The following P4HB variants were observed in gnomAD, a reference collection of about 807,000 sequenced individuals.
The protein encoded by P4HB is prolyl 4-hydroxylase subunit beta, also known as protein disulfide-isomerase.
Under a neutral mutation model 52.6 loss-of-function variants are expected in P4HB, and 20 were observed. That is an observed-to-expected ratio of 0.38 (90% CI 0.27 to 0.55). The LOEUF (loss-of-function observed/expected upper bound fraction) is 0.55. Ranked by LOEUF, P4HB falls within the 20% of genes least tolerant of loss-of-function variation. P4HB has a pLI of 0.74. For synonymous variants in P4HB, 296 were observed against 277.9 expected (o/e 1.07, Z -0.65); for missense variants, 601 against 669.2 (o/e 0.90, Z 1.12).
chr17:81,855,909 AC>A lies in P4HB; in HGVS notation c.353-324del. On this transcript the variant is annotated intron_variant, in intron 2 of 10. Transcript: ENST00000331483. This position sits in a 1 kb window ranked among gnomAD's most constrained non-coding sequence, Gnocchi z 4.3. ...TTTTGACACAGGGGCTCACTCTGTT[AC>A]CCAGCTGGAGGGTAGTGGCAGAATC... is the stretch of plus-strand genomic sequence containing the variant. The A allele has an allele frequency of 4.0e-6, 1 of 249,132 alleles. No homozygotes were observed. Among genetic ancestry groups the A allele is most frequent in the South Asian group, 7.7e-5 (1 of 12,908 alleles). The allele number at this position is 249,132 out of a possible 1,614,324, so 15.4% of individuals were successfully genotyped here.
Position 81,859,272 on chromosome 17 carries a change from C to T in P4HB, c.261G>A (p.Glu87=). The T allele has an allele frequency of 6.2e-7, 1 of 1,614,046 alleles. No individual in the cohort carries two copies. Among genetic ancestry groups the T allele is most frequent in the African/African-American group, 1.3e-5 (1 of 75,040 alleles). The change falls in exon 2 of 11, where the codon GAG becomes GAA. Residue 87 remains glutamate, a synonymous_variant. Coordinates refer to ENST00000331483, the MANE Select transcript of P4HB (RefSeq NM_000918.4). ...CGCCGTACTGCTGGGCCAGGTCAGACTCCTCCGTGGCGTCCACCTTGGCCA... is the reference window on the plus strand; with the variant it reads ...CGCCGTACTGCTGGGCCAGGTCAGATTCCTCCGTGGCGTCCACCTTGGCCA... ...IRLAKVDATE[E]SDLAQQYGVR...
chr17:81,859,250 C>G lies in P4HB; in HGVS notation c.283G>C (p.Gly95Arg), dbSNP rs976921941. 1.2e-6 allele frequency: 2 copies of G among 1,614,030 alleles called. No individual in the cohort carries two copies. Among genetic ancestry groups the G allele is most frequent in the Admixed American group, 1.7e-5 (1 of 60,022 alleles). The change falls in exon 2 of 11, where the codon GGC (glycine) becomes CGC (arginine). Residue 95 changes from glycine to arginine, a missense_variant. Physicochemically the swap from Gly to Arg is moderately radical, Grantham distance 125. Transcript: ENST00000331483. ...TEESDLAQQY[G>R]VRGYPTIKFF... ...TTGATGGTGGGATAGCCGCGCACGC[C>G]GTACTGCTGGGCCAGGTCAGACTCC... is the stretch of plus-strand genomic sequence containing the variant.
chr17:81,856,384 C>A (rs2143358028), intron 2 of P4HB, among the ~76,000 whole-genome samples: 1 of 145,724 alleles, frequency 6.9e-6, no homozygotes, highest in South Asian at 2.2e-4. Context: ...GTTGCTCAGG[C>A]TGGAGTGCAA....
At position 81,846,971 on chromosome 17, in the gene P4HB, T is replaced by C. The variant is rs749454296; in HGVS notation, c.831A>G (p.Thr277=). The C allele has an allele frequency of 5.0e-6, 8 of 1,614,044 alleles. No individual in the cohort carries two copies. The Admixed American group carries it at 1.3e-4, about 27-fold the overall frequency. Residue 277 remains threonine (T), a synonymous_variant, in exon 6 of 11, where the codon ACA becomes ACG. Coordinates refer to ENST00000331483, the MANE Select transcript of P4HB (RefSeq NM_000918.4). The surrounding 1 kb of genome is among the most constrained non-coding windows in gnomAD (Gnocchi z 5.7). The part of the protein sequence containing the change: ...DYDGKLSNFK[T]AAESFKGKIL... ...CCTTGCCCTTGAAGCTCTCGGCTGC[T>C]GTTTTGAAGTTGCTCAGTTTGCCGT...
chr17:81,850,375 ATCGGCCTGCT>A (rs1410535837), intron 4 of P4HB, among the ~76,000 whole-genome samples: 1 of 152,070 alleles, frequency 6.6e-6, no homozygotes, highest in African/African-American at 2.4e-5. Flanking sequence ...ACCTCAGGTG[ATCGGCCTGCT>A]TCGGCCTCCC....
intron 4 of P4HB, among the ~76,000 whole-genome samples, chr17:81,851,599 C>A (rs1260290910): frequency 6.6e-6 from 1 of 152,216 alleles, no homozygotes; most frequent in Non-Finnish European, 1.5e-5. Flanking sequence ...TGGGCTCGCA[C>A]TGTGCCCAGG....
chr17:81,846,605 C>T lies in P4HB; in HGVS notation c.880G>A (p.Asp294Asn), dbSNP rs199780428. ...GKILFIFIDS[D>N]HTDNQRILEF... ...AGGATGCGCTGGTTGTCGGTGTGGT[C>T]GCTGTCGATGAAGATGAACAGGATC... Residue 294 changes from aspartate (D) to asparagine (N), a missense_variant, in exon 7 of 11, where the codon GAC becomes AAC. Physicochemically the swap from Asp to Asn is conservative, Grantham distance 23. Transcript: ENST00000331483. This position sits in a 1 kb window ranked among gnomAD's most constrained non-coding sequence, Gnocchi z 5.7. The T allele has an allele frequency of 1.9e-5, 30 of 1,613,958 alleles. No homozygotes were observed. Among genetic ancestry groups the T allele is most frequent in the Non-Finnish European group, 2.5e-5 (30 of 1,180,032 alleles).
intron 4 of P4HB, among the ~76,000 whole-genome samples, chr17:81,853,296 G>A (rs1289138903): frequency 6.6e-6 from 1 of 152,186 alleles, no homozygotes; most frequent in East Asian, 1.9e-4. Flanking sequence ...GAAAGTGAAT[G>A]GGTCGGTGGC....
At chr17:81,859,574 A>T in intron 1 of P4HB, 187 bp from the exon 2 acceptor site, 2 of 601,690 alleles carry the variant, frequency 3.3e-6, no homozygotes, top group Non-Finnish European at 5.9e-6. Context: ...ATCAGGACAG[A>T]GGCCGTGAAC....
chr17:81,852,589 C>T lies in P4HB; in HGVS notation c.624+2553G>A, dbSNP rs1376669323. Among the ~76,000 whole-genome samples, 3 of 152,374 alleles carry T rather than the reference C, an allele frequency of 2.0e-5. No individual in the cohort carries two copies. The East Asian group carries it at 5.8e-4, about 29-fold the overall frequency. On this transcript the variant is annotated intron_variant, in intron 4 of 10. Transcript: ENST00000331483. ...ACGTTCGCCATCACAGACACCTGAG[C>T]CACCTTCAGTGGGCAGGAAAGCGCC...
chr17:81,860,311 C>T lies in P4HB; in HGVS notation c.145+16G>A. On this transcript the variant is annotated intron_variant, in intron 1 of 10. Coordinates refer to ENST00000331483, the MANE Select transcript of P4HB (RefSeq NM_000918.4). ...GCGGCCCCGAGCCCCGCCCGCCCGC[C>T]AGGCCCGGCGCTCACAGAACTCCAC... The T allele has an allele frequency of 6.9e-7, 1 of 1,440,944 alleles. No individual in the cohort carries two copies. Among genetic ancestry groups the T allele is most frequent in the Non-Finnish European group, 9.1e-7 (1 of 1,093,788 alleles). The allele number at this position is 1,440,944 out of a possible 1,614,324, so 89.3% of individuals were successfully genotyped here. A position where few individuals can be genotyped will look rare whatever the true frequency, so the allele number is the denominator to read the frequency against.
At chr17:81,849,116 C>T (rs1233385213) in intron 4 of P4HB, among the ~76,000 whole-genome samples, 1 of 151,172 alleles carries the variant, frequency 6.6e-6, no homozygotes, top group East Asian at 1.9e-4. Flanking sequence ...ATCCCAGCTA[C>T]TTGGGAGGCT....
At chr17:81,849,836 T>A (rs2038800539) in intron 4 of P4HB, among the ~76,000 whole-genome samples, 1 of 152,124 alleles carries the variant, frequency 6.6e-6, no homozygotes, top group Non-Finnish European at 1.5e-5. Context: ...ATTTATTTTT[T>A]TATTTTTTGA....
Position 81,846,798 on chromosome 17 carries a change from T to G in P4HB, c.855+149A>C. ...ACTGGGAGCAGAGGTCTGGCCTGGCTGGCCCCTCGCCTACATCCAGGCTGT... is the reference window on the plus strand; with the variant it reads ...ACTGGGAGCAGAGGTCTGGCCTGGCGGGCCCCTCGCCTACATCCAGGCTGT... On this transcript the variant is annotated intron_variant, in intron 6 of 10. Coordinates refer to ENST00000331483, the MANE Select transcript of P4HB (RefSeq NM_000918.4). The surrounding 1 kb of genome is among the most constrained non-coding windows in gnomAD (Gnocchi z 5.7). 8.1e-7 allele frequency: 1 copy of G among 1,235,360 alleles called. No homozygotes were observed. The highest frequency in any genetic ancestry group is 1.2e-6 in the Non-Finnish European group (1 of 867,490). The allele number at this position is 1,235,360 out of a possible 1,614,324, so 76.5% of individuals were successfully genotyped here. A position where few individuals can be genotyped will look rare whatever the true frequency, so the allele number is the denominator to read the frequency against.
At chr17:81,850,570 G>C (rs187113424) in intron 4 of P4HB, among the ~76,000 whole-genome samples, 1 of 151,884 alleles carries the variant, frequency 6.6e-6, no homozygotes, top group Non-Finnish European at 1.5e-5. Flanking sequence ...TGCAATCTCC[G>C]CCTCTTGGGT....
At position 81,846,941 on chromosome 17, in the gene P4HB, G is replaced by C. The variant is rs1462770714; in HGVS notation, c.855+6C>G. 1.2e-6 allele frequency: 2 copies of C among 1,613,754 alleles called. No homozygotes were observed. The highest frequency in any genetic ancestry group is 2.2e-5 in the South Asian group (2 of 91,074). ...GCCCCACGAGCCACCCAGAAGAGCA[G>C]CTCACCTTGCCCTTGAAGCTCTCGG... On this transcript the variant is annotated splice_donor_region_variant and intron_variant, in intron 6 of 10. Coordinates refer to ENST00000331483, the MANE Select transcript of P4HB (RefSeq NM_000918.4). The surrounding 1 kb of genome is among the most constrained non-coding windows in gnomAD (Gnocchi z 5.7).
intron 2 of P4HB, among the ~76,000 whole-genome samples, chr17:81,857,904 GCTCAT>G (rs1416090671): frequency 6.6e-6 from 1 of 152,176 alleles, no homozygotes; most frequent in Non-Finnish European, 1.5e-5. Flanking sequence ...ATTTAGGAGT[GCTCAT>G]CTCATCTGCA....
chr17:81,855,563 C>G lies in P4HB; in HGVS notation c.376G>C (p.Val126Leu). ...YTAGREADDI[V>L]NWLKKRTGPA... is the part of the protein sequence containing the mutation. ...CCCGTGCGCTTCTTCAGCCAGTTCACGATGTCATCAGCCTCTCTGCCAGCT... is the reference window on the plus strand; with the variant it reads ...CCCGTGCGCTTCTTCAGCCAGTTCAGGATGTCATCAGCCTCTCTGCCAGCT... The change falls in exon 3 of 11, where the codon GTG becomes CTG. Residue 126 changes from valine to leucine, a missense_variant. Coordinates refer to ENST00000331483, the MANE Select transcript of P4HB (RefSeq NM_000918.4). The surrounding 1 kb of genome is among the most constrained non-coding windows in gnomAD (Gnocchi z 4.3). The G allele has an allele frequency of 6.2e-7, 1 of 1,613,856 alleles. No individual in the cohort carries two copies. Among genetic ancestry groups the G allele is most frequent in the Non-Finnish European group, 8.5e-7 (1 of 1,179,950 alleles).
chr17:81,855,043 T>C lies in P4HB; in HGVS notation c.624+99A>G, dbSNP rs2038891699. 4 of 1,198,526 alleles carry C rather than the reference T, an allele frequency of 3.3e-6. No homozygotes were observed. In the Admixed American group the frequency reaches 7.1e-5, roughly 21 times the overall value. 74.2% of individuals were successfully genotyped at this position (1,198,526 alleles called of 1,614,324 possible). ...CAGAACATACCTATTGGGCCAAAGG[T>C]GCCAGGAGCAAGGTTCCCTTAACGA... On this transcript the variant is annotated intron_variant, in intron 4 of 10. Transcript: ENST00000331483. This position sits in a 1 kb window ranked among gnomAD's most constrained non-coding sequence, Gnocchi z 4.3.
Sources: gnomAD v4.1 joint callset for allele counts (sites outside exome capture counted in the v4.1 genomes callset) on GRCh38, gnomAD v4.1.1 for gene constraint, Gnocchi (gnomAD v3.1) non-coding constraint, MANE v1.5 for transcripts, NCBI Gene and HGNC (gene_info 2026-07-23, HGNC 2026-07-21) for gene names.